LRRTM4: variants seen among roughly 807,000 people sequenced by gnomAD.
The protein encoded by LRRTM4 is leucine-rich repeat transmembrane neuronal protein 4.
Under a neutral mutation model 47.6 loss-of-function variants are expected in LRRTM4, and 25 were observed. That is an observed-to-expected ratio of 0.53 (90% confidence interval 0.38 to 0.73). The LOEUF (loss-of-function observed/expected upper bound fraction) is 0.73, where lower values mean the gene tolerates loss of function less well. LRRTM4 is among the 30% of genes least tolerant of loss of function. The pLI is 0.00. For missense variants in LRRTM4, 638 were observed against 713.4 expected, an observed-to-expected ratio of 0.89 and a Z score of 1.20; for synonymous variants, 311 against 269.5, an observed-to-expected ratio of 1.15 and a Z score of -1.51.
chr2:76,778,825 CT>C (rs1251422303), intron 3 of LRRTM4, among the ~76,000 whole-genome samples: 4 of 150,912 alleles, frequency 2.7e-5, no homozygotes, highest in African/African-American at 7.3e-5. Context: ...TTTGCTCTTG[CT>C]TTTCTAGTTC....
intron 3 of LRRTM4, among the ~76,000 whole-genome samples, chr2:77,455,147 C>A (rs2103959581): frequency 6.6e-6 from 1 of 152,276 alleles, no homozygotes; most frequent in East Asian, 1.9e-4. Flanking sequence ...GAGATAGCAC[C>A]ACTGCACTCT....
intron 3 of LRRTM4, among the ~76,000 whole-genome samples, chr2:76,983,679 G>C (rs969933355): frequency 6.6e-6 from 1 of 151,980 alleles, no homozygotes; most frequent in African/African-American, 2.4e-5. Flanking sequence ...TTTTTAATTT[G>C]ACTCCTTTTT....
intron 3 of LRRTM4, among the ~76,000 whole-genome samples, chr2:77,387,075 T>C (rs1673308026): frequency 6.6e-6 from 1 of 152,064 alleles, no homozygotes; most frequent in Non-Finnish European, 1.5e-5. Flanking sequence ...CAGGCAATAT[T>C]CCTTGCATGA....
At chr2:76,888,923 CAT>C (rs1394074527) in intron 3 of LRRTM4, among the ~76,000 whole-genome samples, 3 of 151,850 alleles carry the variant, frequency 2.0e-5, no homozygotes, top group Admixed American at 1.3e-4. Context: ...TCAATTAAGA[CAT>C]GTTATGAATC....
chr2:77,139,500 GACA>G (rs1214873281), intron 3 of LRRTM4, among the ~76,000 whole-genome samples: 2 of 152,102 alleles, frequency 1.3e-5, no homozygotes, highest in African/African-American at 4.8e-5. Context: ...AGCTATTTAT[GACA>G]AACCCACAGC....
chr2:77,275,275 G>A (rs574930903), intron 3 of LRRTM4, among the ~76,000 whole-genome samples: 2 of 152,186 alleles, frequency 1.3e-5, no homozygotes, highest in South Asian at 2.1e-4. Context: ...TTTTAAGCTA[G>A]AGTATAAAAT....
intron 3 of LRRTM4, among the ~76,000 whole-genome samples, chr2:77,383,678 C>T (rs1199859807): frequency 1.3e-5 from 2 of 151,976 alleles, no homozygotes; most frequent in Non-Finnish European, 2.9e-5. Context: ...TCTAATATAC[C>T]CTTCATAGAG....
intron 3 of LRRTM4, among the ~76,000 whole-genome samples, chr2:77,390,221 T>C (rs73941250): frequency 0.026 from 3,968 of 152,204 alleles, 190 homozygotes; most frequent in African/African-American, 0.09. Context: ...TGAAAAAATG[T>C]GTGTGCTGTA....
chr2:77,492,285 G>A (rs564923824), intron 3 of LRRTM4, among the ~76,000 whole-genome samples: 21 of 152,226 alleles, frequency 1.4e-4, no homozygotes, highest in African/African-American at 3.9e-4. Flanking sequence ...TTTAGAGATA[G>A]GGTCTTGCTC....
chr2:77,237,708 G>A (rs144818840), intron 3 of LRRTM4, among the ~76,000 whole-genome samples: 12 of 152,186 alleles, frequency 7.9e-5, no homozygotes, highest in South Asian at 6.2e-4. Context: ...AGAAAGCCTC[G>A]TTTGGTGGAA....
chr2:77,499,254 C>T (rs180783138), intron 3 of LRRTM4, among the ~76,000 whole-genome samples: 3 of 151,964 alleles, frequency 2.0e-5, no homozygotes, highest in East Asian at 1.9e-4. Context: ...TTACCTGGTC[C>T]GAAATGTCAA....
At chr2:76,988,250 A>G (rs13413740) in intron 3 of LRRTM4, among the ~76,000 whole-genome samples, 9,421 of 151,908 alleles carry the variant, frequency 0.062, 888 homozygotes, top group African/African-American at 0.2. Context: ...GCTCAACTCG[A>G]TAATTTCATA....
intron 3 of LRRTM4, among the ~76,000 whole-genome samples, chr2:76,913,700 AG>A (rs2103787393): frequency 1.3e-5 from 2 of 151,862 alleles, no homozygotes; most frequent in South Asian, 4.2e-4. Context: ...CCACCACACC[AG>A]CTAATTTTTG....
chr2:77,385,403 T>A (rs1194482384), intron 3 of LRRTM4, among the ~76,000 whole-genome samples: 1 of 152,168 alleles, frequency 6.6e-6, no homozygotes, highest in Non-Finnish European at 1.5e-5. Context: ...CCAAGCAGAT[T>A]CACTGGTAAG....
At chr2:77,489,132 G>C (rs977921499) in intron 3 of LRRTM4, among the ~76,000 whole-genome samples, 20 of 152,110 alleles carry the variant, frequency 1.3e-4, no homozygotes, top group Admixed American at 3.3e-4. Flanking sequence ...TGGCCAAATG[G>C]TCTCTATATA....
intron 3 of LRRTM4, among the ~76,000 whole-genome samples, chr2:76,754,703 C>T (rs1208054748): frequency 1.3e-5 from 2 of 152,132 alleles, no homozygotes; most frequent in African/African-American, 2.4e-5. Flanking sequence ...GTCTACTTCC[C>T]TTTGCCTAGA....
At chr2:76,895,432 A>C (rs1301206843) in intron 3 of LRRTM4, among the ~76,000 whole-genome samples, 2 of 152,196 alleles carry the variant, frequency 1.3e-5, no homozygotes, top group African/African-American at 4.8e-5. Context: ...ATGTTGTCAG[A>C]ACAAAGGTAG....
chr2:77,015,861 T>C (rs886322714), intron 3 of LRRTM4, among the ~76,000 whole-genome samples: 2 of 151,946 alleles, frequency 1.3e-5, no homozygotes, highest in South Asian at 4.2e-4. Context: ...CTCACACCTA[T>C]AATCCCAGCA....
intron 3 of LRRTM4, among the ~76,000 whole-genome samples, chr2:77,505,070 A>G (rs994976419): frequency 6.6e-6 from 1 of 151,300 alleles, no homozygotes; most frequent in African/African-American, 2.4e-5. Flanking sequence ...AAAGAACATA[A>G]TATTAAGATC....
Sources: gnomAD v4.1 joint callset for allele counts (sites outside exome capture counted in the v4.1 genomes callset) on GRCh38, gnomAD v4.1.1 for gene constraint, MANE v1.5 for transcripts, NCBI Gene and HGNC (gene_info 2026-07-23, HGNC 2026-07-21) for gene names.